The following ATP5F1A variants were observed in gnomAD, a reference collection of about 807,000 sequenced individuals.
ATP5F1A encodes ATP synthase F(1) complex subunit alpha, mitochondrial.
A neutral mutation model predicts 57.4 loss-of-function variants in ATP5F1A; 24 were observed. The observed-to-expected ratio is 0.42, with a 90% CI of 0.30 to 0.59. The LOEUF is 0.59. ATP5F1A is among the 20% of genes least tolerant of loss of function. ATP5F1A has a pLI of 0.19. For synonymous variants in ATP5F1A, 251 were observed against 255.5 expected (o/e 0.98, Z 0.17); for missense variants, 494 against 707.9 (o/e 0.70, Z 3.43).
chr18:46,094,160 C>T (rs1910765617), intron 2 of ATP5F1A, among the ~76,000 whole-genome samples: 1 of 109,926 alleles, frequency 9.1e-6, no homozygotes, highest in Non-Finnish European at 2.0e-5. Context: ...GGTGTGTGTA[C>T]ACATACACAC....
At chr18:46,099,778 G>A (rs1294815827), upstream of ATP5F1A, among the ~76,000 whole-genome samples, 1 of 152,102 alleles carries the variant, frequency 6.6e-6, no homozygotes, top group Non-Finnish European at 1.5e-5. Context: ...CCCAAATCCT[G>A]GCTTACACCT....
At chr18:46,095,251 A>C (rs759568376) in intron 1 of ATP5F1A, 120 bp from the exon 2 acceptor site, 16 of 895,954 alleles carry the variant, frequency 1.8e-5, no homozygotes, top group Non-Finnish European at 2.5e-5. Context: ...ATTACATATA[A>C]AGCATTTTGT....
chr18:46,091,110 A>G (rs1342466190), intron 3 of ATP5F1A, among the ~76,000 whole-genome samples: 1 of 152,186 alleles, frequency 6.6e-6, no homozygotes, highest in Non-Finnish European at 1.5e-5. Context: ...CTTTTCCCAT[A>G]TCTGCATGCC....
At chr18:46,093,943 C>T (rs139131911) in intron 2 of ATP5F1A, among the ~76,000 whole-genome samples, 3,251 of 151,710 alleles carry the variant, frequency 0.021, 109 homozygotes, top group African/African-American at 0.075. Context: ...CTTGTCTCTA[C>T]AAAAAATACA....
At chr18:46,101,662 A>AGG (rs1911277470), upstream of ATP5F1A, among the ~76,000 whole-genome samples, 1 of 152,110 alleles carries the variant, frequency 6.6e-6, no homozygotes. Flanking sequence ...TGGGAGGCTG[A>AGG]AGCAGGTTGA....
At chr18:46,103,018 T>C (rs1911325101), upstream of ATP5F1A, among the ~76,000 whole-genome samples, 1 of 151,870 alleles carries the variant, frequency 6.6e-6, no homozygotes, top group Admixed American at 6.6e-5. Context: ...AAAATCATTT[T>C]AGGCTGGGTG....
In ATP5F1A at chr18:46,094,180, C is replaced by G. The variant is rs79733877; in HGVS notation, c.139+873G>C. Among the ~76,000 whole-genome samples the G allele has an allele frequency of 5.2e-3, 770 of 146,778 alleles. 2 individuals are homozygous for G. The highest frequency in any genetic ancestry group is 0.02 in the African/African-American group (739 of 37,372). On this transcript the variant is annotated intron_variant, in intron 2 of 11. Coordinates refer to ENST00000398752, the MANE Select transcript of ATP5F1A (RefSeq NM_004046.6). ...GTGTACACATACACACACACACACA[C>G]ACACACATATACACACACACTCTCA...
Position 46,095,114 on chromosome 18 carries a change from C to G in ATP5F1A, c.78G>C (p.Leu26Phe). ...RRAGLVSRNA[L>F]GSSFIAARNF... is the part of the protein sequence containing the mutation. ...TCCTTGCAGCAATGAAAGATGAACC[C>G]AAAGCATTTCTGGAGACCTAGTGCA... The change falls in exon 2 of 12, where the codon TTG becomes TTC. Residue 26 changes from leucine (L) to phenylalanine (F), a missense_variant. Around this residue, in one of 6 missense-constraint regions of ATP5F1A, gnomAD observed 142 missense variants for 137.5 expected, o/e 1.03. Transcript: ENST00000398752. The G allele has an allele frequency of 6.2e-7, 1 of 1,613,196 alleles. No homozygotes were observed. The highest frequency in any genetic ancestry group is 1.1e-5 in the South Asian group (1 of 90,958).
At chr18:46,087,697 T>C (rs1363691782) in intron 6 of ATP5F1A, 4 of 563,254 alleles carry the variant, frequency 7.1e-6, no homozygotes, top group Non-Finnish European at 1.2e-5. Flanking sequence ...CTGACCAATA[T>C]GAGGAAACTC....
intron 5 of ATP5F1A, 84 bp downstream of exon 5, chr18:46,089,482 C>G: frequency 1.3e-6 from 2 of 1,489,916 alleles, no homozygotes; most frequent in Non-Finnish European, 1.8e-6. Flanking sequence ...GTCCCCATTA[C>G]CATTTACCAT....
intron 9 of ATP5F1A, 23 bp downstream of exon 9, chr18:46,086,364 C>T (rs1279920179): frequency 6.2e-7 from 1 of 1,613,722 alleles, no homozygotes; most frequent in Admixed American, 1.7e-5. Context: ...AGCCCCCTTA[C>T]TGCCAAAGTG....
At chr18:46,086,611 G>A (rs980116387) in intron 8 of ATP5F1A, 117 bp from the exon 9 acceptor site, 1 of 942,904 alleles carries the variant, frequency 1.1e-6, no homozygotes, top group Non-Finnish European at 1.6e-6. Context: ...CAAAGCATCA[G>A]TACCCCAAAT....
In ATP5F1A at chr18:46,082,635, ATCAGGTCACTGCACT is replaced by A. The variant is rs1693055183; in HGVS notation, c.*1632_*1646del. The A allele has an allele frequency of 6.6e-6, 1 of 152,176 alleles. No individual in the cohort carries two copies. Among genetic ancestry groups the A allele is most frequent in the Non-Finnish European group, 1.5e-5 (1 of 68,084 alleles). 9.4% of individuals were successfully genotyped at this position (152,176 alleles called of 1,614,324 possible). On this transcript the variant is annotated 3_prime_UTR_variant, in exon 12 of 12. Transcript: ENST00000398752. ...GAGGCAGAGGTTGCAGTGAGCCAAG[ATCAGGTCACTGCACT>A]CCAGCCTGGACGACGGAGACTCCAT...
upstream of ATP5F1A, among the ~76,000 whole-genome samples, chr18:46,102,585 A>G (rs907709438): frequency 6.6e-6 from 1 of 152,096 alleles, no homozygotes; most frequent in African/African-American, 2.4e-5. Context: ...CGGCCTCCCA[A>G]AGTGCTGAGA....
chr18:46,098,853 G>C (rs1007995154), upstream of ATP5F1A, among the ~76,000 whole-genome samples: 5 of 152,188 alleles, frequency 3.3e-5, no homozygotes, highest in Non-Finnish European at 7.3e-5. Context: ...CACGTGATCC[G>C]ATCTGCGCTC....
chr18:46,086,052 G>T, intron 10 of ATP5F1A, 61 bp downstream of exon 10: 1 of 1,569,926 alleles, frequency 6.4e-7, no homozygotes, highest in East Asian at 2.2e-5. Context: ...CAGCTCTGTA[G>T]GCCTGGGAAG....
At chr18:46,102,609 G>A (rs572345631), upstream of ATP5F1A, among the ~76,000 whole-genome samples, 3 of 151,438 alleles carry the variant, frequency 2.0e-5, no homozygotes, top group Non-Finnish European at 4.4e-5. Flanking sequence ...TAGGTGTGAG[G>A]CACCGCATCC....
At chr18:46,094,174 CA>C (rs902516680) in intron 2 of ATP5F1A, among the ~76,000 whole-genome samples, 5 of 145,062 alleles carry the variant, frequency 3.4e-5, no homozygotes, top group African/African-American at 1.4e-4. Flanking sequence ...TACACACACA[CA>C]CACACACACA....
At chr18:46,085,058 G>C (rs2850645) in intron 10 of ATP5F1A, 3 of 154,750 alleles carry the variant, frequency 1.9e-5, no homozygotes, top group Non-Finnish European at 2.9e-5. Context: ...TTCCTGAAAG[G>C]AAGACATTAA....
Sources: allele counts gnomAD v4.1 joint callset (sites outside exome capture counted in the v4.1 genomes callset), GRCh38; gene constraint gnomAD v4.1.1; regional missense constraint gnomAD v4.1.1; transcripts MANE v1.5; gene names NCBI Gene and HGNC (gene_info 2026-07-23, HGNC 2026-07-21).